The following SKAP1 variants were observed in gnomAD, a reference collection of about 807,000 sequenced individuals.
SKAP1 encodes src kinase associated phosphoprotein 1.
Under a neutral mutation model 58.5 loss-of-function variants are expected in SKAP1, and 44 were observed. The ratio of observed to expected loss-of-function variants is 0.75; its 90% confidence interval spans 0.59 to 0.97. SKAP1 has a LOEUF of 0.97. Among genes scored for constraint, SKAP1 ranks in the 50% least tolerant of loss-of-function variants. The pLI, the probability that SKAP1 is intolerant of heterozygous loss-of-function variation, is 0.00. For missense variants in SKAP1, 390 were observed against 435.2 expected (o/e 0.90, Z 0.92); for synonymous variants, 127 against 149.7 (o/e 0.85, Z 1.11).
intron 4 of SKAP1, among the ~76,000 whole-genome samples, chr17:48,304,393 A>G (rs1308598341): frequency 6.6e-6 from 1 of 152,226 alleles, no homozygotes; most frequent in Non-Finnish European, 1.5e-5. Context: ...ATAAGCAAAG[A>G]ACAAAAGTGT....
chr17:48,407,121 G>A (rs758042705), intron 1 of SKAP1, among the ~76,000 whole-genome samples: 21 of 152,058 alleles, frequency 1.4e-4, no homozygotes, highest in Non-Finnish European at 2.5e-4. Context: ...GAGTCAAAGA[G>A]AAACTCAAAA....
chr17:48,203,711 TGC>T (rs2064758524), intron 4 of SKAP1: 1 of 152,190 alleles, frequency 6.6e-6, no homozygotes, highest in African/African-American at 2.4e-5. Flanking sequence ...CAAAAGAGGC[TGC>T]ACATATTGGA....
chr17:48,274,711 T>A (rs1182758242), intron 4 of SKAP1, among the ~76,000 whole-genome samples: 1 of 151,996 alleles, frequency 6.6e-6, no homozygotes, highest in Non-Finnish European at 1.5e-5. Context: ...AAAAAAAATT[T>A]TTTTTTCTTT....
At chr17:48,214,968 A>AAATAAAATAAAATAG in intron 4 of SKAP1, among the ~76,000 whole-genome samples, 1 of 151,120 alleles carries the variant, frequency 6.6e-6, no homozygotes, top group Non-Finnish European at 1.5e-5. Context: ...AAATAAAATA[A>AAATAAAATAAAATAG]ACAGATGGCA....
At chr17:48,165,057 T>C (rs1376116513) in intron 10 of SKAP1, among the ~76,000 whole-genome samples, 1 of 152,216 alleles carries the variant, frequency 6.6e-6, no homozygotes, top group African/African-American at 2.4e-5. Flanking sequence ...TACCTTCTAG[T>C]CGGGGAAGCA....
chr17:48,383,588 A>T (rs985807654), intron 2 of SKAP1, among the ~76,000 whole-genome samples: 5 of 152,158 alleles, frequency 3.3e-5, no homozygotes, highest in African/African-American at 1.2e-4. Flanking sequence ...GTTTATTTGC[A>T]CAGAAGTGAC....
chr17:48,403,313 A>G (rs1187400163), intron 1 of SKAP1, among the ~76,000 whole-genome samples: 1 of 152,026 alleles, frequency 6.6e-6, no homozygotes, highest in African/African-American at 2.4e-5. Context: ...GGTTGCAGAG[A>G]GCGGTGATTA....
intron 4 of SKAP1, among the ~76,000 whole-genome samples, chr17:48,311,555 C>T (rs1483077225): frequency 6.6e-6 from 1 of 152,096 alleles, no homozygotes; most frequent in Non-Finnish European, 1.5e-5. Context: ...ACTCTATATG[C>T]CCCCAAAGGT....
At chr17:48,340,703 T>C (rs2066639862) in intron 4 of SKAP1, among the ~76,000 whole-genome samples, 1 of 151,948 alleles carries the variant, frequency 6.6e-6, no homozygotes, top group Admixed American at 6.6e-5. Flanking sequence ...AAATAAAAAC[T>C]AGAACGTAAA....
chr17:48,138,606 A>G (rs947413736), intron 11 of SKAP1, among the ~76,000 whole-genome samples: 1 of 151,932 alleles, frequency 6.6e-6, no homozygotes, highest in Non-Finnish European at 1.5e-5. Context: ...CTGACCCCAG[A>G]TGATCCACCC....
the SKAP1 span, among the ~76,000 whole-genome samples, chr17:48,435,453 T>C: frequency 6.6e-6 from 1 of 152,178 alleles, no homozygotes. Flanking sequence ...GTGGAAACAG[T>C]CTGTGTAGCT....
chr17:48,278,031 T>C (rs986264215), intron 4 of SKAP1, among the ~76,000 whole-genome samples: 1 of 152,258 alleles, frequency 6.6e-6, no homozygotes, highest in Non-Finnish European at 1.5e-5. Flanking sequence ...ATCATATTTC[T>C]AAAATATTTT....
chr17:48,167,111 C>T (rs952983433), intron 10 of SKAP1, among the ~76,000 whole-genome samples: 1 of 152,152 alleles, frequency 6.6e-6, no homozygotes, highest in Non-Finnish European at 1.5e-5. Flanking sequence ...AGCAATTCTC[C>T]CATCTTCGCC....
At chr17:48,357,645 AG>A (rs1243338113) in intron 3 of SKAP1, among the ~76,000 whole-genome samples, 1 of 152,096 alleles carries the variant, frequency 6.6e-6, no homozygotes, top group African/African-American at 2.4e-5. Context: ...AAAAGAAAAA[AG>A]AAGAATCTTT....
the SKAP1 span, among the ~76,000 whole-genome samples, chr17:48,435,883 C>T: frequency 5.3e-5 from 8 of 152,248 alleles, no homozygotes; most frequent in African/African-American, 1.7e-4. Context: ...ACAAGAACCA[C>T]CAGCATTCTC....
chr17:48,165,642 C>G (rs1016032882), intron 10 of SKAP1, among the ~76,000 whole-genome samples: 1 of 151,990 alleles, frequency 6.6e-6, no homozygotes, highest in Non-Finnish European at 1.5e-5. Flanking sequence ...TCAGGTGATC[C>G]GCCCACCTCG....
At chr17:48,200,960 T>G (rs2064720235) in intron 4 of SKAP1, among the ~76,000 whole-genome samples, 1 of 152,196 alleles carries the variant, frequency 6.6e-6, no homozygotes, top group Admixed American at 6.5e-5. Context: ...TAATAGGACT[T>G]GTGATCTAGG....
intron 10 of SKAP1, 56 bp from the exon 11 acceptor site, chr17:48,162,625 C>T: frequency 7.5e-7 from 1 of 1,330,164 alleles, no homozygotes; most frequent in South Asian, 1.2e-5. Context: ...TCCGAGGTAC[C>T]CATGTTTTTG....
At chr17:48,170,156 A>T (rs1191599603) in intron 10 of SKAP1, among the ~76,000 whole-genome samples, 1 of 152,232 alleles carries the variant, frequency 6.6e-6, no homozygotes, top group South Asian at 2.1e-4. Flanking sequence ...AGCATCACCA[A>T]GGAATTTTAT....
Sources: gnomAD v4.1 joint callset for allele counts (sites outside exome capture counted in the v4.1 genomes callset) on GRCh38, gnomAD v4.1.1 for gene constraint, MANE v1.5 for transcripts, NCBI Gene and HGNC (gene_info 2026-07-23, HGNC 2026-07-21) for gene names.